Variants in ATP5MC2 observed in about 807,000 individuals in gnomAD.
The protein encoded by ATP5MC2 is ATP synthase membrane subunit c locus 2, also known as ATP synthase F(0) complex subunit C2, mitochondrial.
Under a neutral mutation model 13.5 loss-of-function variants are expected in ATP5MC2, and 11 were observed. That is an observed-to-expected ratio of 0.81 (90% CI 0.51 to 1.35). The LOEUF is 1.35. Ranked by LOEUF, ATP5MC2 falls within the 40% of genes most tolerant of loss-of-function variation. The pLI, the probability that ATP5MC2 is intolerant of heterozygous loss-of-function variation, is 0.00. For missense variants in ATP5MC2, 132 were observed against 175.0 expected (o/e 0.75, Z 1.39); for synonymous variants, 64 against 69.7 (o/e 0.92, Z 0.41).
intron 1 of ATP5MC2, among the ~76,000 whole-genome samples, chr12:53,675,216 T>A (rs1372088474): frequency 6.6e-6 from 1 of 152,192 alleles, no homozygotes; most frequent in Non-Finnish European, 1.5e-5. Flanking sequence ...ATTCCTTTCC[T>A]TAAACCTTCT....
chr12:53,667,554 T>A (rs1036486866), intron 4 of ATP5MC2, among the ~76,000 whole-genome samples: 2 of 152,058 alleles, frequency 1.3e-5, no homozygotes, highest in African/African-American at 4.8e-5. Flanking sequence ...TGGAGTGCAG[T>A]GGCGTGATCT....
At chr12:53,672,086 A>T (rs1945112715) in intron 2 of ATP5MC2, among the ~76,000 whole-genome samples, 1 of 146,132 alleles carries the variant, frequency 6.8e-6, no homozygotes, top group South Asian at 2.1e-4. Context: ...TCTGTCTCAA[A>T]AAAAAAAAAA....
upstream of ATP5MC2, among the ~76,000 whole-genome samples, chr12:53,679,278 A>AGAGAGAGAGAGAGG (rs1237908363): frequency 2.9e-5 from 4 of 139,242 alleles, no homozygotes; most frequent in African/African-American, 1.0e-4. Context: ...AGAGAGAGAG[A>AGAGAGAGAGAGAGG]GACCAGGGCA....
chr12:53,677,567 G>A (rs1945308535), upstream of ATP5MC2, among the ~76,000 whole-genome samples: 1 of 152,242 alleles, frequency 6.6e-6, no homozygotes, highest in Non-Finnish European at 1.5e-5. Context: ...GGGAGGGGAA[G>A]GAGTGGGGAG....
Position 53,665,356 on chromosome 12 carries a change from G to A in ATP5MC2, c.384C>T (p.Leu128=). 6.2e-7 allele frequency: 1 copy of A among 1,613,706 alleles called. No homozygotes were observed. Among genetic ancestry groups the A allele is most frequent in the Non-Finnish European group, 8.5e-7 (1 of 1,179,946 alleles). ...TGAGAAAGGCTACCATCAGACAAAA[G>A]AGCCCCATGGCCTCCGAGAGGGCAA... ...LGFALSEAMG[L]FCLMVAFLIL... Residue 128 remains leucine, a synonymous_variant, in exon 5 of 5, where the codon CTC becomes CTT. Transcript: ENST00000394349.
At chr12:53,679,135 C>G (rs536873138), upstream of ATP5MC2, among the ~76,000 whole-genome samples, 1 of 151,980 alleles carries the variant, frequency 6.6e-6, no homozygotes, top group East Asian at 1.9e-4. Flanking sequence ...ATATATGTTT[C>G]TTTGGACAAG....
At chr12:53,673,900 A>G (rs1315121672) in intron 1 of ATP5MC2, 3 of 155,090 alleles carry the variant, frequency 1.9e-5, no homozygotes, top group Non-Finnish European at 2.9e-5. Flanking sequence ...CTAAGTTGGT[A>G]GAAGTGAACT....
rs1200575883 is a variant in ATP5MC2 at position 53,672,658 on chromosome 12, A to C, written c.-31-13T>G. 6.4e-7 allele frequency: 1 copy of C among 1,566,158 alleles called. No homozygotes were observed. The highest frequency in any genetic ancestry group is 1.2e-5 in the South Asian group (1 of 85,200). ...TGTGGCAGGAGAGCTGGAATTACAG[A>C]AGCAGTATTGTAAACGCTCCTTATT... On this transcript the variant is annotated splice_polypyrimidine_tract_variant and intron_variant, in intron 1 of 4. Transcript: ENST00000394349.
chr12:53,670,081 T>C, intron 2 of ATP5MC2, 133 bp from the exon 3 acceptor site: 1 of 775,162 alleles, frequency 1.3e-6, no homozygotes. Flanking sequence ...ACATGTACGT[T>C]AGAGTTTTGG....
upstream of ATP5MC2, among the ~76,000 whole-genome samples, chr12:53,678,720 A>T (rs1407297492): frequency 3.3e-5 from 5 of 152,194 alleles, no homozygotes; most frequent in Non-Finnish European, 2.9e-5. Context: ...AGCTTAGCTG[A>T]GGGTCGGAGG....
chr12:53,679,510 T>G (rs1162895016), upstream of ATP5MC2, among the ~76,000 whole-genome samples: 1 of 152,222 alleles, frequency 6.6e-6, no homozygotes, highest in Non-Finnish European at 1.5e-5. Context: ...TGCTAGTTAC[T>G]TCATCTCTCG....
upstream of ATP5MC2, among the ~76,000 whole-genome samples, chr12:53,678,902 C>T (rs1237542643): frequency 1.3e-5 from 2 of 152,078 alleles, no homozygotes; most frequent in African/African-American, 2.4e-5. Context: ...TTTTTAATGA[C>T]TGTGAGTGGC....
intron 1 of ATP5MC2, 123 bp from the exon 2 acceptor site, chr12:53,672,768 G>A (rs1945140459): frequency 2.4e-6 from 2 of 828,318 alleles, no homozygotes; most frequent in South Asian, 3.5e-5. Flanking sequence ...TAAGTCATTG[G>A]CAGAAATAGA....
At chr12:53,670,027 T>C (rs1161214857) in intron 2 of ATP5MC2, 79 bp from the exon 3 acceptor site, 5 of 1,325,444 alleles carry the variant, frequency 3.8e-6, no homozygotes, top group Admixed American at 3.4e-5. Context: ...CGTTGTTACA[T>C]CATCAGACAA....
At chr12:53,667,914 C>T (rs1944964977) in intron 4 of ATP5MC2, among the ~76,000 whole-genome samples, 1 of 143,790 alleles carries the variant, frequency 7.0e-6, no homozygotes, top group East Asian at 2.0e-4. Flanking sequence ...TCTTCAATGA[C>T]ACAATGATAT....
chr12:53,672,996 C>A, intron 1 of ATP5MC2: 1 of 217,812 alleles, frequency 4.6e-6, no homozygotes, highest in Non-Finnish European at 9.3e-6. Context: ...AAAAGGAACG[C>A]TTCTCAAGAC....
At chr12:53,672,269 T>A (rs542855935) in intron 2 of ATP5MC2, among the ~76,000 whole-genome samples, 3 of 152,186 alleles carry the variant, frequency 2.0e-5, no homozygotes, top group Admixed American at 2.0e-4. Context: ...ACGCCCAGGC[T>A]GGAGTGCAGT....
At chr12:53,676,202 G>A, upstream of ATP5MC2, 3 of 1,610,664 alleles carry the variant, frequency 1.9e-6, no homozygotes, top group Non-Finnish European at 1.7e-6. Context: ...TCACAGCGCC[G>A]CCTGCCAGGG....
At chr12:53,670,390 C>G (rs1945060655) in intron 2 of ATP5MC2, 2 of 335,728 alleles carry the variant, frequency 6.0e-6, no homozygotes, top group Non-Finnish European at 1.2e-5. Flanking sequence ...ACACCATAGT[C>G]TGGCCTTCAA....
Sources: gnomAD v4.1 joint callset for allele counts (sites outside exome capture counted in the v4.1 genomes callset) on GRCh38, gnomAD v4.1.1 for gene constraint, MANE v1.5 for transcripts, NCBI Gene and HGNC (gene_info 2026-07-23, HGNC 2026-07-21) for gene names.